MOV10L1: variants seen among roughly 807,000 people sequenced by gnomAD.
The protein encoded by MOV10L1 is Mov10 like RNA helicase 1.
Under a neutral mutation model 143.8 loss-of-function variants are expected in MOV10L1, and 110 were observed. That is an observed-to-expected ratio of 0.76 (90% CI 0.66 to 0.90). MOV10L1 has a LOEUF of 0.90. MOV10L1 is among the 40% of genes least tolerant of loss of function. MOV10L1 has a pLI of 0.00. For synonymous variants in MOV10L1, 593 were observed against 581.1 expected (o/e 1.02, Z -0.29); for missense variants, 1,406 against 1,526.8 (o/e 0.92, Z 1.32).
Position 50,108,212 on chromosome 22 carries a change from CTCAGTGAAGCCACT to C in MOV10L1, c.520_533del (p.Ser174GlufsTer12), listed in dbSNP as rs1349526747. 11 of 1,614,068 alleles carry C rather than the reference CTCAGTGAAGCCACT, an allele frequency of 6.8e-6. No homozygotes were observed. The highest frequency in any genetic ancestry group is 9.3e-6 in the Non-Finnish European group (11 of 1,180,008). ...CTGGCACGTGGAGCAGCGAAGCCACCTCAGTGAAGCCACTGAGATACAAGCGCGTGGACAAGGTA... is the reference window on the plus strand; with the variant it reads ...CTGGCACGTGGAGCAGCGAAGCCACCGAGATACAAGCGCGTGGACAAGGTA... On this transcript the variant is annotated frameshift_variant, in exon 4 of 27. Transcript: ENST00000262794. LOFTEE classifies it high-confidence loss of function.
At chr22:50,098,243 A>AATTATTAAGATTAACATCTTAAT (rs2062644271) in intron 2 of MOV10L1, among the ~76,000 whole-genome samples, 1 of 145,708 alleles carries the variant, frequency 6.9e-6, no homozygotes, top group East Asian at 2.0e-4. Context: ...TCTTAATAAT[A>AATTATTAAGATTAACATCTTAAT]ATTATTAAGA....
At chr22:50,096,814 G>A (rs971554744) in intron 2 of MOV10L1, among the ~76,000 whole-genome samples, 4 of 152,000 alleles carry the variant, frequency 2.6e-5, no homozygotes, top group East Asian at 1.9e-4. Flanking sequence ...TCCTTTGCCC[G>A]TTTTGAAATT....
intron 13 of MOV10L1, among the ~76,000 whole-genome samples, chr22:50,131,439 A>G (rs2062676277): frequency 6.6e-6 from 1 of 152,206 alleles, no homozygotes; most frequent in Admixed American, 6.5e-5. Context: ...TGCAGAAATT[A>G]TTAATTTTGG....
rs1475964131 is a variant in MOV10L1, at chr22:50,159,919, G to A, written c.3324+134G>A. 2 of 620,128 alleles carry A rather than the reference G, an allele frequency of 3.2e-6. No individual in the cohort carries two copies. Among genetic ancestry groups the A allele is most frequent in the Non-Finnish European group, 5.7e-6 (2 of 351,374 alleles). The allele number at this position is 620,128 out of a possible 1,614,324, so 38.4% of individuals were successfully genotyped here. A position where few individuals can be genotyped will look rare whatever the true frequency, so the allele number is the denominator to read the frequency against. ...GCAGCTGCAGGCGGAGACTCCCTAGGTCCAGGAGCCATTGTAAGCAGTGGC... is the reference window on the plus strand; with the variant it reads ...GCAGCTGCAGGCGGAGACTCCCTAGATCCAGGAGCCATTGTAAGCAGTGGC... On this transcript the variant is annotated intron_variant, in intron 24 of 26. Coordinates refer to ENST00000262794, the MANE Select transcript of MOV10L1 (RefSeq NM_018995.3). This position sits in a 1 kb window ranked among gnomAD's most constrained non-coding sequence, Gnocchi z 4.1.
intron 10 of MOV10L1, 118 bp downstream of exon 10, chr22:50,120,734 G>A: frequency 1.3e-6 from 1 of 742,292 alleles, no homozygotes; most frequent in Non-Finnish European, 2.3e-6. Context: ...TTCTTCACAG[G>A]TAGCTGGGAT....
chr22:50,113,040 G>A (rs533533546), intron 5 of MOV10L1, among the ~76,000 whole-genome samples: 7 of 152,318 alleles, frequency 4.6e-5, no homozygotes, highest in African/African-American at 1.7e-4. Flanking sequence ...TGGTGCTTCG[G>A]ACTGGGAAGT....
intron 22 of MOV10L1, 116 bp from the exon 23 acceptor site, chr22:50,157,941 G>C: frequency 7.2e-6 from 9 of 1,258,372 alleles, no homozygotes; most frequent in Admixed American, 2.3e-5. Flanking sequence ...CACGAGAGCA[G>C]GGATTTATTC....
At position 50,092,182 on chromosome 22, in the gene MOV10L1, C is replaced by T. The variant is rs1267651137; in HGVS notation, c.279C>T (p.Ile93=). The stretch of plus-strand genomic sequence containing the variant: ...AAGTGTCCAATGGACTGAAAGCAAT[C>T]AGGGTAAGGTTTGAGTTCATTTGGG... The part of the protein sequence containing the change: ...ENKVSNGLKA[I]RVEAVSDKWE... Residue 93 remains isoleucine (I), a synonymous_variant, in exon 2 of 27, where the codon ATC becomes ATT. Transcript: ENST00000262794. 1 of 1,612,878 alleles carries T rather than the reference C, an allele frequency of 6.2e-7. No homozygotes were observed. Among genetic ancestry groups the T allele is most frequent in the Admixed American group, 1.7e-5 (1 of 59,760 alleles).
chr22:50,152,958 C>T lies in MOV10L1; in HGVS notation c.2893-87C>T, dbSNP rs891889766. 2.9e-6 allele frequency: 4 copies of T among 1,365,738 alleles called. No individual in the cohort carries two copies. The highest frequency in any genetic ancestry group is 1.4e-5 in the African/African-American group (1 of 69,500). 84.6% of individuals were successfully genotyped at this position (1,365,738 alleles called of 1,614,324 possible). ...AGGCTTGGAAGTCAGGCAGGCCTCA[C>T]GTTTGCTGTGCAGAGCCGCTTTTCG... On this transcript the variant is annotated intron_variant, in intron 21 of 26. Transcript: ENST00000262794. The surrounding 1 kb of genome is among the most constrained non-coding windows in gnomAD (Gnocchi z 4.4).
chr22:50,145,864 T>C (rs1010270833), intron 19 of MOV10L1, 54 bp downstream of exon 19: 10 of 1,606,058 alleles, frequency 6.2e-6, no homozygotes, highest in Non-Finnish European at 8.5e-6. Flanking sequence ...GAGGTCGGAG[T>C]CCTCTCCTAG....
chr22:50,104,286 C>G (rs1038975070), intron 3 of MOV10L1, among the ~76,000 whole-genome samples: 1 of 152,220 alleles, frequency 6.6e-6, no homozygotes, highest in Non-Finnish European at 1.5e-5. Context: ...TTCTAACAGG[C>G]CACAGTCCGG....
At chr22:50,146,239 G>C (rs2063149141) in intron 19 of MOV10L1, among the ~76,000 whole-genome samples, 3 of 152,280 alleles carry the variant, frequency 2.0e-5, no homozygotes, top group African/African-American at 7.2e-5. Context: ...GAGTCTCTTG[G>C]AGTGGGCGTG....
intron 20 of MOV10L1, among the ~76,000 whole-genome samples, 155 bp downstream of exon 20, chr22:50,149,869 A>G (rs2063250173): frequency 6.6e-6 from 1 of 152,168 alleles, no homozygotes; most frequent in Non-Finnish European, 1.5e-5. Flanking sequence ...TCTCTATTGT[A>G]CTTTATTCCT....
intron 10 of MOV10L1, among the ~76,000 whole-genome samples, chr22:50,121,119 A>T (rs909992910): frequency 6.6e-6 from 1 of 152,158 alleles, no homozygotes; most frequent in African/African-American, 2.4e-5. Context: ...TGGCAGTTTG[A>T]GGGGAGAACA....
intron 12 of MOV10L1, 76 bp downstream of exon 12, chr22:50,126,348 C>T (rs573547424): frequency 5.3e-5 from 58 of 1,090,636 alleles, no homozygotes; most frequent in Non-Finnish European, 7.4e-5. Flanking sequence ...GTTCTCCCCA[C>T]GGCTCTTGGG....
chr22:50,138,146 C>T (rs1198467173), intron 15 of MOV10L1, among the ~76,000 whole-genome samples: 5 of 152,156 alleles, frequency 3.3e-5, no homozygotes, highest in Non-Finnish European at 2.9e-5. Flanking sequence ...CAAAAACCTA[C>T]TTAGTGATAA....
chr22:50,128,661 C>T (rs886206059), intron 13 of MOV10L1, among the ~76,000 whole-genome samples, 154 bp downstream of exon 13: 2 of 151,156 alleles, frequency 1.3e-5, no homozygotes, highest in Admixed American at 1.3e-4. Context: ...TCTCCTGCCT[C>T]GGCCTCCCAA....
At chr22:50,098,270 C>CATCTTAATAATA in intron 2 of MOV10L1, among the ~76,000 whole-genome samples, 2 of 45,556 alleles carry the variant, frequency 4.4e-5, no homozygotes, top group Non-Finnish European at 8.6e-5. Flanking sequence ...TCTTAATAAT[C>CATCTTAATAATA]ACATAATCAC....
At chr22:50,144,011 CGAATGTGTGTGTTGAGGTTAGACTCCTG>C in intron 17 of MOV10L1, 58 bp from the exon 18 acceptor site, 1 of 1,522,560 alleles carries the variant, frequency 6.6e-7, no homozygotes, top group South Asian at 1.2e-5. Flanking sequence ...TCCCTGCACC[CGAATGTGTGTGTTGAGGTTAGACTCCTG>C]GTTTCCACCT....
Sources: gnomAD v4.1 joint callset for allele counts (sites outside exome capture counted in the v4.1 genomes callset) on GRCh38, gnomAD v4.1.1 for gene constraint, Gnocchi (gnomAD v3.1) non-coding constraint, MANE v1.5 for transcripts, NCBI Gene and HGNC (gene_info 2026-07-23, HGNC 2026-07-21) for gene names.